Variants in KIF16B observed in about 807,000 individuals in gnomAD.
KIF16B encodes kinesin-like protein KIF16B.
Under a neutral mutation model 156.3 loss-of-function variants are expected in KIF16B, and 98 were observed. The observed-to-expected ratio is 0.63, with a 90% CI of 0.53 to 0.74. The LOEUF is 0.74. KIF16B is among the 30% of genes least tolerant of loss of function. KIF16B has a pLI of 0.00. For synonymous variants in KIF16B, 564 were observed against 583.7 expected (o/e 0.97, Z 0.49); for missense variants, 1,421 against 1,606.5 (o/e 0.88, Z 1.97).
intron 22 of KIF16B, among the ~76,000 whole-genome samples, chr20:16,359,336 G>A (rs2064505276): frequency 6.6e-6 from 1 of 151,768 alleles, no homozygotes; most frequent in African/African-American, 2.4e-5. Context: ...AAAGCATGTG[G>A]CACCTCCCTC....
intron 4 of KIF16B, among the ~76,000 whole-genome samples, chr20:16,513,676 A>C (rs1014508928): frequency 2.0e-5 from 3 of 150,982 alleles, no homozygotes; most frequent in South Asian, 2.1e-4. Context: ...AAAAAAAAAA[A>C]AAAAAAACCA....
chr20:16,380,590 T>C (rs1009581599), intron 18 of KIF16B, among the ~76,000 whole-genome samples: 3 of 152,208 alleles, frequency 2.0e-5, no homozygotes, highest in Non-Finnish European at 4.4e-5. Context: ...CCTCATCTCA[T>C]TGGGGTCAAA....
intron 24 of KIF16B, among the ~76,000 whole-genome samples, chr20:16,327,220 T>A (rs2122858754): frequency 6.6e-6 from 1 of 151,780 alleles, no homozygotes; most frequent in East Asian, 1.9e-4. Context: ...CCAAACATCG[T>A]ATGTTCTCAC....
intron 2 of KIF16B, among the ~76,000 whole-genome samples, chr20:16,528,092 T>C (rs1472652265): frequency 1.3e-5 from 2 of 152,122 alleles, no homozygotes; most frequent in Non-Finnish European, 2.9e-5. Context: ...GGACACAGGA[T>C]GAAAATGCCC....
chr20:16,547,392 A>G (rs1447241347), intron 1 of KIF16B, among the ~76,000 whole-genome samples: 1 of 152,258 alleles, frequency 6.6e-6, no homozygotes, highest in African/African-American at 2.4e-5. Context: ...AGTGCTGTCA[A>G]TCAGGCATGG....
chr20:16,542,617 C>A (rs947776452), intron 1 of KIF16B, among the ~76,000 whole-genome samples: 1 of 152,118 alleles, frequency 6.6e-6, no homozygotes, highest in Non-Finnish European at 1.5e-5. Context: ...GATAAAAAAA[C>A]AGCAGGTGTA....
intron 17 of KIF16B, among the ~76,000 whole-genome samples, chr20:16,392,392 T>A (rs2065388122): frequency 6.6e-6 from 1 of 152,150 alleles, no homozygotes; most frequent in Non-Finnish European, 1.5e-5. Flanking sequence ...ACGTCTATAG[T>A]GGGTGGCCCA....
chr20:16,287,371 G>A (rs905730930), intron 25 of KIF16B, among the ~76,000 whole-genome samples: 1 of 152,114 alleles, frequency 6.6e-6, no homozygotes, highest in Non-Finnish European at 1.5e-5. Flanking sequence ...GTAAATACTT[G>A]AAATATGGCA....
At chr20:16,369,696 G>A (rs2064769542) in intron 22 of KIF16B, among the ~76,000 whole-genome samples, 1 of 152,184 alleles carries the variant, frequency 6.6e-6, no homozygotes, top group Non-Finnish European at 1.5e-5. Context: ...CAAAAGAAAT[G>A]CCCAAGTGTT....
At chr20:16,559,673 G>A (rs989413881) in intron 1 of KIF16B, among the ~76,000 whole-genome samples, 3 of 152,256 alleles carry the variant, frequency 2.0e-5, no homozygotes, top group East Asian at 1.9e-4. Flanking sequence ...GGCTCCTCAG[G>A]AGGCTGAGGC....
intron 22 of KIF16B, among the ~76,000 whole-genome samples, chr20:16,365,526 C>G (rs2123235754): frequency 6.6e-6 from 1 of 152,296 alleles, no homozygotes; most frequent in South Asian, 2.1e-4. Context: ...GCTGCAGCCA[C>G]CAGTCTGTGG....
At chr20:16,450,349 C>T (rs1045236775) in intron 12 of KIF16B, among the ~76,000 whole-genome samples, 5 of 152,152 alleles carry the variant, frequency 3.3e-5, no homozygotes, top group African/African-American at 1.2e-4. Context: ...CATGTAACAT[C>T]TTCACTCAGA....
At chr20:16,547,975 G>A (rs985203250) in intron 1 of KIF16B, among the ~76,000 whole-genome samples, 7 of 152,140 alleles carry the variant, frequency 4.6e-5, no homozygotes, top group Non-Finnish European at 1.0e-4. Flanking sequence ...TCTGGCAGAG[G>A]GAAGCGAGTG....
Position 16,354,861 on chromosome 20 carries a change from T to C in KIF16B, c.3621+1469A>G, listed in dbSNP as rs560013231. 1.8e-4 allele frequency among the ~76,000 whole-genome samples: 28 copies of C among 151,924 alleles called. No individual in the cohort carries two copies. In the East Asian group the frequency reaches 5.5e-3, roughly 30 times the overall value. Reference sequence around the variant, plus strand: ...CTCGGGAAGCTGAGGTAGGAGAATCTCTTGAACCCGGGAGGCGGAGGTTGC... The same window carrying C: ...CTCGGGAAGCTGAGGTAGGAGAATCCCTTGAACCCGGGAGGCGGAGGTTGC... On this transcript the variant is annotated intron_variant, in intron 23 of 25. Transcript: ENST00000354981.
intron 17 of KIF16B, among the ~76,000 whole-genome samples, chr20:16,395,735 T>C (rs1392404052): frequency 6.6e-6 from 1 of 152,118 alleles, no homozygotes; most frequent in Non-Finnish European, 1.5e-5. Flanking sequence ...ACAGCCACTG[T>C]TAGCCAGATT....
intron 14 of KIF16B, among the ~76,000 whole-genome samples, chr20:16,427,960 C>G (rs932363481): frequency 8.5e-5 from 13 of 152,158 alleles, no homozygotes; most frequent in African/African-American, 3.1e-4. Flanking sequence ...TACAAGCCAA[C>G]TAGTTTCCAC....
At chr20:16,475,274 C>G (rs982228151) in intron 12 of KIF16B, among the ~76,000 whole-genome samples, 3 of 152,150 alleles carry the variant, frequency 2.0e-5, no homozygotes, top group Non-Finnish European at 2.9e-5. Flanking sequence ...TCATTTTATT[C>G]TCATAACAAC....
At chr20:16,539,163 T>A (rs2070097480) in intron 1 of KIF16B, among the ~76,000 whole-genome samples, 1 of 152,052 alleles carries the variant, frequency 6.6e-6, no homozygotes, top group Admixed American at 6.5e-5. Context: ...GGCATTGCTA[T>A]AGAGATACCT....
intron 12 of KIF16B, among the ~76,000 whole-genome samples, chr20:16,463,235 T>G (rs2067396579): frequency 1.3e-5 from 2 of 152,164 alleles, no homozygotes; most frequent in Non-Finnish European, 1.5e-5. Context: ...CCTCACTCCT[T>G]GTGTGTCCAC....
Sources: allele counts gnomAD v4.1 joint callset (sites outside exome capture counted in the v4.1 genomes callset), GRCh38; gene constraint gnomAD v4.1.1; transcripts MANE v1.5; gene names NCBI Gene and HGNC (gene_info 2026-07-23, HGNC 2026-07-21).